Variants in SSBP3 observed in about 807,000 individuals in gnomAD.
SSBP3 encodes single stranded DNA binding protein 3, also known as single-stranded DNA-binding protein 3.
SSBP3 carries 5 observed loss-of-function variants against 69.6 expected under a neutral mutation model. That is an observed-to-expected ratio of 0.07 (90% CI 0.04 to 0.15). The LOEUF is 0.15. Among genes scored for constraint, SSBP3 ranks in the 10% least tolerant of loss-of-function variants. The probability of loss-of-function intolerance (pLI) is 1.00; values close to 1 mark genes in which losing one functional copy is unlikely to be tolerated. For synonymous variants in SSBP3, 196 were observed against 193.4 expected (o/e 1.01, Z -0.11); for missense variants, 312 against 534.0 (o/e 0.58, Z 4.10).
At chr1:54,319,542 A>C (rs1369751631) in intron 4 of SSBP3, among the ~76,000 whole-genome samples, 1 of 151,910 alleles carries the variant, frequency 6.6e-6, no homozygotes, top group Non-Finnish European at 1.5e-5. Flanking sequence ...AGCCTTACCC[A>C]CTCAGTGTCA....
rs142012238 is a variant in SSBP3 at position 54,380,208 on chromosome 1, C to T, written c.276+21653G>A. Among the ~76,000 whole-genome samples, 807 of 152,288 alleles carry T rather than the reference C, an allele frequency of 5.3e-3. 12 individuals carry two copies. Among genetic ancestry groups the T allele is most frequent in the African/African-American group, 0.018 (749 of 41,552 alleles). On this transcript the variant is annotated intron_variant, in intron 4 of 17. Coordinates refer to ENST00000610401, the Ensembl canonical transcript of SSBP3. ...CAGACCCTCCCCGCAGAGCAGCGGACGCCACTGTTCCAGGGGGATTGACTC... is the reference window on the plus strand; with the variant it reads ...CAGACCCTCCCCGCAGAGCAGCGGATGCCACTGTTCCAGGGGGATTGACTC...
upstream of SSBP3, among the ~76,000 whole-genome samples, chr1:54,410,919 G>T (rs963343984): frequency 6.6e-6 from 1 of 152,136 alleles, no homozygotes; most frequent in African/African-American, 2.4e-5. Flanking sequence ...CAGTAATTGG[G>T]GAAATGTTTC....
In SSBP3 at chr1:54,228,424, C is replaced by T. The variant is rs372880099; in HGVS notation, c.1035+25G>A. On this transcript the variant is annotated intron_variant, in intron 16 of 17. Transcript: ENST00000610401. ...ACCTGCCCACACAGATGGGGCGCCG[C>T]CAGGGAGACCGAGTGCACACTCACT... 3.2e-5 allele frequency: 52 copies of T among 1,614,076 alleles called. 1 individual carries two copies. Among genetic ancestry groups the T allele is most frequent in the Admixed American group, 5.0e-5 (3 of 60,012 alleles).
chr1:54,234,740 T>A (rs1052358547), intron 14 of SSBP3, among the ~76,000 whole-genome samples: 1 of 151,790 alleles, frequency 6.6e-6, no homozygotes, highest in Non-Finnish European at 1.5e-5. Flanking sequence ...GAAGCCTTTA[T>A]AGCCTTTAGG....
At chr1:54,373,769 G>GA (rs567212062) in intron 4 of SSBP3, among the ~76,000 whole-genome samples, 1,460 of 104,482 alleles carry the variant, frequency 0.014, 8 homozygotes, top group East Asian at 0.033. Flanking sequence ...CCTGTTTCAA[G>GA]AAAAAAAAAA....
Position 54,313,770 on chromosome 1 carries a change from C to CT in SSBP3, c.277-32244dup, listed in dbSNP as rs779040552. On this transcript the variant is annotated intron_variant, in intron 4 of 17. Coordinates refer to ENST00000610401, the Ensembl canonical transcript of SSBP3. ...GTAAGGAGGGAGACTAGGATTTTTA[C>CT]TTTTTTTTTTTTTGAGACAAGAGTC... Among the ~76,000 whole-genome samples, 763 of 144,720 alleles carry CT rather than the reference C, an allele frequency of 5.3e-3. 6 individuals carry two copies. The highest frequency in any genetic ancestry group is 9.6e-3 in the African/African-American group (383 of 39,806). The allele number at this position is 144,720 out of a possible 152,430, so 94.9% of individuals were successfully genotyped here. A position where few individuals can be genotyped will look rare whatever the true frequency, so the allele number is the denominator to read the frequency against.
intron 4 of SSBP3, among the ~76,000 whole-genome samples, chr1:54,308,142 A>G (rs999705832): frequency 2.6e-5 from 4 of 152,162 alleles, no homozygotes; most frequent in Non-Finnish European, 4.4e-5. Flanking sequence ...ACCCCTTACC[A>G]GAGATGCTCT....
Position 54,240,047 on chromosome 1 carries a change from GGTGT to G in SSBP3, c.857-852_857-849del, listed in dbSNP as rs71066910. On this transcript the variant is annotated intron_variant, in intron 13 of 17. Transcript: ENST00000610401. The stretch of plus-strand genomic sequence containing the variant: ...TGGGAAAGAAACATAATTGTGATGG[GGTGT>G]GTGTGTGTGTGTGTGTGTGTGTGTG... 7.5e-4 allele frequency among the ~76,000 whole-genome samples: 58 copies of G among 77,768 alleles called. 1 individual carries two copies. The highest frequency in any genetic ancestry group is 2.9e-3 in the South Asian group (5 of 1,732). The allele number at this position is 77,768 out of a possible 152,430, so 51.0% of individuals were successfully genotyped here.
At chr1:54,329,931 T>C (rs1646378281) in intron 4 of SSBP3, among the ~76,000 whole-genome samples, 3 of 152,112 alleles carry the variant, frequency 2.0e-5, no homozygotes, top group Admixed American at 1.3e-4. Flanking sequence ...CAATACCCAG[T>C]AGCTGGAAGG....
intron 4 of SSBP3, among the ~76,000 whole-genome samples, chr1:54,389,336 T>C (rs1164051288): frequency 3.3e-5 from 5 of 152,198 alleles, no homozygotes; most frequent in African/African-American, 1.2e-4. Flanking sequence ...AAACCTTTTC[T>C]TTAAGTCACA....
At chr1:54,341,379 A>C (rs1469182683) in intron 4 of SSBP3, among the ~76,000 whole-genome samples, 8 of 152,166 alleles carry the variant, frequency 5.3e-5, no homozygotes, top group Non-Finnish European at 1.2e-4. Flanking sequence ...CTGACCTCAC[A>C]GTGGGCCCAT....
chr1:54,317,960 G>A (rs1169092540), intron 4 of SSBP3, among the ~76,000 whole-genome samples: 1 of 152,084 alleles, frequency 6.6e-6, no homozygotes, highest in African/African-American at 2.4e-5. Context: ...TAGAGACAGG[G>A]TTTCACCATG....
chr1:54,279,756 G>GC (rs1183314240), intron 5 of SSBP3, among the ~76,000 whole-genome samples: 3 of 152,222 alleles, frequency 2.0e-5, no homozygotes, highest in Admixed American at 2.0e-4. Context: ...GAAGATGCCT[G>GC]CCTTGGTGAG....
At chr1:54,225,573 G>A (rs891983707) in exon 18 of SSBP3, 1 of 503,332 alleles carries the variant, frequency 2.0e-6, no homozygotes, top group Non-Finnish European at 3.0e-6. Flanking sequence ...CAGCTACAAT[G>A]TTCCCAATAA....
intron 14 of SSBP3, chr1:54,237,213 G>C (rs964034498): frequency 1.3e-5 from 2 of 152,192 alleles, no homozygotes; most frequent in Admixed American, 1.3e-4. Context: ...ATCAGACAGG[G>C]TCAGCACTAC....
intron 14 of SSBP3, among the ~76,000 whole-genome samples, chr1:54,229,709 C>T (rs1644349575): frequency 6.6e-6 from 1 of 152,162 alleles, no homozygotes; most frequent in African/African-American, 2.4e-5. Flanking sequence ...CAGCCTGGAG[C>T]GCCAAGGCCC....
intron 9 of SSBP3, 27 bp from the exon 10 acceptor site, chr1:54,243,326 A>C: frequency 6.2e-7 from 1 of 1,614,076 alleles, no homozygotes; most frequent in Non-Finnish European, 8.5e-7. Context: ...GGGTCAGTCT[A>C]TGAGAAGAAG....
At chr1:54,389,879 A>AG (rs1491485467) in intron 4 of SSBP3, among the ~76,000 whole-genome samples, 145 of 85,568 alleles carry the variant, frequency 1.7e-3, no homozygotes, top group African/African-American at 7.7e-3. Flanking sequence ...ACCCTGTCTC[A>AG]AAAAAAAAAA....
chr1:54,234,010 T>C (rs939162722), intron 14 of SSBP3, among the ~76,000 whole-genome samples: 41 of 152,082 alleles, frequency 2.7e-4, no homozygotes, highest in African/African-American at 5.1e-4. Context: ...TAAGAAAAAT[T>C]CTTCTGCCTT....
Sources: allele counts gnomAD v4.1 joint callset (sites outside exome capture counted in the v4.1 genomes callset), GRCh38; gene constraint gnomAD v4.1.1; transcripts MANE v1.5; gene names NCBI Gene and HGNC (gene_info 2026-07-23, HGNC 2026-07-21).